Variants in MYO5B observed in about 807,000 individuals in gnomAD.
MYO5B encodes myosin VB, also known as unconventional myosin-Vb.
MYO5B carries 143 observed loss-of-function variants against 229.3 expected under a neutral mutation model. The ratio of observed to expected loss-of-function variants is 0.62; its 90% CI spans 0.54 to 0.72. The LOEUF is 0.72. Among genes scored for constraint, MYO5B ranks in the 30% least tolerant of loss-of-function variants. MYO5B has a pLI of 0.00. For missense variants in MYO5B, 2,321 were observed against 2,331.0 expected (o/e 1.00, Z 0.09); for synonymous variants, 918 against 885.2 (o/e 1.04, Z -0.66).
chr18:49,896,540 G>A (rs1277925317), intron 21 of MYO5B, among the ~76,000 whole-genome samples: 1 of 152,152 alleles, frequency 6.6e-6, no homozygotes, highest in African/African-American at 2.4e-5. Context: ...GCTCTGGGCT[G>A]GACATGAGGT....
chr18:49,842,657 C>G (rs1350857627), intron 34 of MYO5B, among the ~76,000 whole-genome samples: 1 of 152,206 alleles, frequency 6.6e-6, no homozygotes, highest in Non-Finnish European at 1.5e-5. Context: ...TGCAGGCCAG[C>G]CTGTTTCTGC....
At chr18:49,844,723 T>C (rs1293693821) in intron 33 of MYO5B, among the ~76,000 whole-genome samples, 2 of 152,240 alleles carry the variant, frequency 1.3e-5, no homozygotes, top group Admixed American at 1.3e-4. Flanking sequence ...CAGGAAAATG[T>C]ATTTTGTAGG....
chr18:49,829,063 G>A (rs914900847), intron 39 of MYO5B, among the ~76,000 whole-genome samples: 14 of 147,520 alleles, frequency 9.5e-5, no homozygotes. Context: ...TGAAATCAAA[G>A]TTGGTTCAAA....
intron 14 of MYO5B, among the ~76,000 whole-genome samples, chr18:49,941,994 G>A (rs1490882464): frequency 3.3e-5 from 2 of 61,454 alleles, no homozygotes; most frequent in Non-Finnish European, 7.3e-5. Flanking sequence ...AGATCAATGG[G>A]ATCTATGTCT....
intron 1 of MYO5B, among the ~76,000 whole-genome samples, chr18:50,075,636 T>C (rs2031061376): frequency 6.6e-6 from 1 of 152,138 alleles, no homozygotes; most frequent in African/African-American, 2.4e-5. Flanking sequence ...TGCTACACTG[T>C]GTTCCCCAAG....
chr18:50,029,554 C>G (rs1258322213), intron 4 of MYO5B, among the ~76,000 whole-genome samples: 1 of 152,108 alleles, frequency 6.6e-6, no homozygotes, highest in Non-Finnish European at 1.5e-5. Context: ...TAAAATTCAC[C>G]CAGTCATTGC....
chr18:50,006,903 G>A (rs904423191), intron 4 of MYO5B, among the ~76,000 whole-genome samples: 21 of 152,160 alleles, frequency 1.4e-4, no homozygotes, highest in Admixed American at 1.2e-3. Flanking sequence ...TTTGTCACCT[G>A]TGGTCTCCAA....
Position 49,906,647 on chromosome 18 carries a change from G to A in MYO5B, c.2203-17C>T. ...GTCGGGGTCCTTTACAAGGTAGGGAGGGGATCTGGTTGGTCACCAGTGAGC... is the reference window on the plus strand; with the variant it reads ...GTCGGGGTCCTTTACAAGGTAGGGAAGGGATCTGGTTGGTCACCAGTGAGC... On this transcript the variant is annotated splice_polypyrimidine_tract_variant and intron_variant, in intron 18 of 39. Coordinates refer to ENST00000285039, the MANE Select transcript of MYO5B (RefSeq NM_001080467.3). The A allele has an allele frequency of 6.2e-7, 1 of 1,607,294 alleles. No individual in the cohort carries two copies. Among genetic ancestry groups the A allele is most frequent in the Non-Finnish European group, 8.5e-7 (1 of 1,174,114 alleles).
intron 1 of MYO5B, among the ~76,000 whole-genome samples, chr18:50,091,656 C>G (rs2031451198): frequency 6.6e-6 from 1 of 152,168 alleles, no homozygotes; most frequent in South Asian, 2.1e-4. Context: ...TTGTAGGAGT[C>G]TCACAGGGCA....
At chr18:49,880,538 G>C (rs975211104) in intron 22 of MYO5B, 83 bp from the exon 23 acceptor site, 1 of 1,078,884 alleles carries the variant, frequency 9.3e-7, no homozygotes, top group Admixed American at 1.7e-5. Context: ...ATTTTAACTG[G>C]ATACATGTAA....
chr18:49,949,656 C>A (rs570278699), intron 14 of MYO5B, among the ~76,000 whole-genome samples: 3 of 152,066 alleles, frequency 2.0e-5, no homozygotes, highest in African/African-American at 7.2e-5. Context: ...TCAAGGATGT[C>A]ACCCAACAGA....
chr18:49,997,487 CTCTCAGAGTTG>C lies in MYO5B; in HGVS notation c.612+3757_612+3767del, dbSNP rs2026002763. Among the ~76,000 whole-genome samples the C allele has an allele frequency of 2.0e-5, 3 of 146,994 alleles. No homozygotes were observed. The Admixed American group carries it at 2.1e-4, about 10-fold the overall frequency. ...CCCAGAATAGGGGCATTCTCTGTGG[CTCTCAGAGTTG>C]TCTGCCTGCAAAGTCCAGTCACCCC... On this transcript the variant is annotated intron_variant, in intron 5 of 39. Coordinates refer to ENST00000285039, the MANE Select transcript of MYO5B (RefSeq NM_001080467.3).
chr18:50,192,665 A>C (rs68057311), intron 1 of MYO5B, among the ~76,000 whole-genome samples: 11,360 of 152,244 alleles, frequency 0.075, 455 homozygotes, highest in Non-Finnish European at 0.092. Flanking sequence ...GTTTCTGTGG[A>C]AAACTATTAG....
At chr18:49,828,467 T>C (rs1212749113) in intron 39 of MYO5B, among the ~76,000 whole-genome samples, 2 of 152,164 alleles carry the variant, frequency 1.3e-5, no homozygotes, top group African/African-American at 4.8e-5. Flanking sequence ...TAAGGGAGGA[T>C]AGTTCTACAG....
At chr18:49,834,086 C>G (rs1769621532) in intron 39 of MYO5B, among the ~76,000 whole-genome samples, 1 of 152,004 alleles carries the variant, frequency 6.6e-6, no homozygotes, top group African/African-American at 2.4e-5. Flanking sequence ...TTTGCCATGG[C>G]TCTTTTCAAA....
At chr18:49,943,695 C>A (rs534050662) in intron 14 of MYO5B, among the ~76,000 whole-genome samples, 2 of 152,196 alleles carry the variant, frequency 1.3e-5, no homozygotes, top group Admixed American at 1.3e-4. Context: ...ACTGGTAAAA[C>A]AAAAGTGTTA....
chr18:49,826,536 A>C lies in MYO5B; in HGVS notation c.5482T>G (p.Ser1828Ala). Residue 1828 changes from serine (S) to alanine (A), a missense_variant, in exon 40 of 40, where the codon TCT (serine) becomes GCT (alanine). Physicochemically the swap from Ser to Ala is moderately conservative, Grantham distance 99. Transcript: ENST00000285039. ...FPVLFPFNPS[S>A]LTMDSIHIPA... Reference sequence around the variant, plus strand: ...ATGTGGATTGAGTCCATGGTTAGAGAAGATGGATTAAATGGAAACAAAACA... The same window carrying C: ...ATGTGGATTGAGTCCATGGTTAGAGCAGATGGATTAAATGGAAACAAAACA... The C allele has an allele frequency of 6.2e-7, 1 of 1,614,072 alleles. No homozygotes were observed. Among genetic ancestry groups the C allele is most frequent in the Non-Finnish European group, 8.5e-7 (1 of 1,179,950 alleles).
intron 12 of MYO5B, among the ~76,000 whole-genome samples, chr18:49,960,298 G>A (rs1049139856): frequency 2.0e-5 from 3 of 152,152 alleles, no homozygotes; most frequent in African/African-American, 7.2e-5. Flanking sequence ...CTCTCACCCT[G>A]CAAAGTATCT....
intron 1 of MYO5B, among the ~76,000 whole-genome samples, chr18:50,133,184 T>C (rs1479363801): frequency 2.0e-5 from 3 of 152,132 alleles, no homozygotes; most frequent in Non-Finnish European, 4.4e-5. Flanking sequence ...TTCAAAGTAC[T>C]TCAACACAGA....
Sources: allele counts gnomAD v4.1 joint callset (sites outside exome capture counted in the v4.1 genomes callset), GRCh38; gene constraint gnomAD v4.1.1; transcripts MANE v1.5; gene names NCBI Gene and HGNC (gene_info 2026-07-23, HGNC 2026-07-21).